Variants in CADM1 observed in about 807,000 individuals in gnomAD.
The protein encoded by CADM1 is cell adhesion molecule 1, also known as TSLC-1.
In CADM1, 15 loss-of-function variants were observed where a neutral mutation model predicts 53.1. That is an observed-to-expected ratio of 0.28 (90% confidence interval 0.19 to 0.44). The LOEUF (loss-of-function observed/expected upper bound fraction) is 0.44, where lower values mean the gene tolerates loss of function less well. CADM1 is among the 20% of genes least tolerant of loss of function. CADM1 has a pLI of 1.00. For synonymous variants in CADM1, 281 were observed against 243.0 expected (o/e 1.16, Z -1.45); for missense variants, 434 against 611.3 (o/e 0.71, Z 3.06).
At chr11:115,182,089 G>A (rs771972739) in intron 10 of CADM1, among the ~76,000 whole-genome samples, 8 of 152,170 alleles carry the variant, frequency 5.3e-5, no homozygotes, top group Non-Finnish European at 1.0e-4. Flanking sequence ...ACAGATCCTG[G>A]TCCTGCAGGG....
At chr11:115,321,009 T>G (rs1348206308) in intron 1 of CADM1, among the ~76,000 whole-genome samples, 1 of 152,194 alleles carries the variant, frequency 6.6e-6, no homozygotes, top group Admixed American at 6.5e-5. Context: ...GTTCATACTT[T>G]TAACAACATT....
chr11:115,445,320 T>C (rs962178776), intron 1 of CADM1, among the ~76,000 whole-genome samples: 2 of 152,100 alleles, frequency 1.3e-5, no homozygotes, highest in African/African-American at 4.8e-5. Context: ...CACTTACAGC[T>C]CAGGACCGTG....
chr11:115,322,434 T>A (rs1355819599), intron 1 of CADM1, among the ~76,000 whole-genome samples: 2 of 152,196 alleles, frequency 1.3e-5, no homozygotes, highest in Admixed American at 6.5e-5. Context: ...ATCACAGAAC[T>A]CACCTGTTTA....
intron 10 of CADM1, among the ~76,000 whole-genome samples, chr11:115,183,606 T>C (rs1257966407): frequency 2.6e-5 from 4 of 152,162 alleles, no homozygotes; most frequent in Admixed American, 6.5e-5. Context: ...GACACCAAGA[T>C]TTCTACCTCT....
chr11:115,424,558 C>T (rs530912910), intron 1 of CADM1, among the ~76,000 whole-genome samples: 39 of 151,996 alleles, frequency 2.6e-4, no homozygotes, highest in Non-Finnish European at 4.6e-4. Flanking sequence ...GATGGAGTCT[C>T]GCACTGTCTC....
chr11:115,479,592 C>G, intron 1 of CADM1, among the ~76,000 whole-genome samples: 1 of 152,072 alleles, frequency 6.6e-6, no homozygotes. Flanking sequence ...TCATGGCAAA[C>G]AAAATACTTG....
At chr11:115,330,566 C>T (rs986933857) in intron 1 of CADM1, among the ~76,000 whole-genome samples, 2 of 152,262 alleles carry the variant, frequency 1.3e-5, no homozygotes, top group African/African-American at 2.4e-5. Flanking sequence ...GAGTTTGATG[C>T]GTGTCTTCAG....
At chr11:115,284,044 G>A (rs1165694174) in intron 1 of CADM1, among the ~76,000 whole-genome samples, 1 of 148,128 alleles carries the variant, frequency 6.8e-6, no homozygotes, top group Non-Finnish European at 1.5e-5. Context: ...GTTCCAGGCA[G>A]GGGGGCCTGT....
intron 1 of CADM1, among the ~76,000 whole-genome samples, chr11:115,251,197 C>G (rs529522435): frequency 1.4e-4 from 22 of 152,216 alleles, no homozygotes; most frequent in Non-Finnish European, 2.5e-4. Context: ...TCCAACTTAA[C>G]GGCATTTACA....
In CADM1 at chr11:115,229,156, C is replaced by A; in HGVS notation, c.678G>T (p.Ala226=). Residue 226 remains alanine, a synonymous_variant, in exon 5 of 12, where the codon GCG becomes GCT. Transcript: ENST00000331581. ...GCTGGGTCTGCAGGTTTCCAGTGAC[C>A]GCAGGGTGCTCCACCTGGCAGATCA... ...VPVICQVEHP[A]VTGNLQTQRY... 2 of 1,614,014 alleles carry A rather than the reference C, an allele frequency of 1.2e-6. No homozygotes were observed. Among genetic ancestry groups the A allele is most frequent in the African/African-American group, 2.7e-5 (2 of 75,032 alleles).
intron 1 of CADM1, among the ~76,000 whole-genome samples, chr11:115,298,841 C>T (rs953011785): frequency 3.3e-5 from 5 of 152,180 alleles, no homozygotes; most frequent in Admixed American, 1.3e-4. Flanking sequence ...CCCTCCTTCT[C>T]GGTTACAGTG....
chr11:115,393,502 G>T (rs1946898346), intron 1 of CADM1, among the ~76,000 whole-genome samples: 1 of 149,028 alleles, frequency 6.7e-6, no homozygotes, highest in Admixed American at 6.7e-5. Context: ...TCAAACAGAA[G>T]AATGAAGTCT....
At chr11:115,427,837 C>G (rs1368730560) in intron 1 of CADM1, among the ~76,000 whole-genome samples, 1 of 151,644 alleles carries the variant, frequency 6.6e-6, no homozygotes, top group East Asian at 1.9e-4. Context: ...GAAAGCCCAT[C>G]TCTACTAAAA....
intron 1 of CADM1, among the ~76,000 whole-genome samples, chr11:115,435,418 A>G (rs1259625377): frequency 6.6e-6 from 1 of 152,134 alleles, no homozygotes; most frequent in Admixed American, 6.5e-5. Context: ...ATTAAATTCA[A>G]ATTTTCAGTG....
intron 1 of CADM1, among the ~76,000 whole-genome samples, chr11:115,277,273 G>A (rs898091791): frequency 2.0e-5 from 3 of 152,148 alleles, no homozygotes; most frequent in Admixed American, 1.3e-4. Flanking sequence ...ACGGAGACTC[G>A]ATGAAAGCCA....
At chr11:115,382,681 T>A (rs939932225) in intron 1 of CADM1, among the ~76,000 whole-genome samples, 1 of 152,204 alleles carries the variant, frequency 6.6e-6, no homozygotes, top group African/African-American at 2.4e-5. Flanking sequence ...TTCTCACCTT[T>A]ATTTCCTTTA....
intron 1 of CADM1, among the ~76,000 whole-genome samples, chr11:115,444,578 T>A (rs1036887423): frequency 1.1e-4 from 16 of 152,222 alleles, no homozygotes; most frequent in African/African-American, 2.7e-4. Flanking sequence ...AATCATCTGT[T>A]GGCATCTGAA....
intron 1 of CADM1, among the ~76,000 whole-genome samples, chr11:115,339,739 T>C (rs561106730): frequency 6.6e-6 from 1 of 152,240 alleles, no homozygotes; most frequent in East Asian, 1.9e-4. Context: ...TAATTACAAA[T>C]TGGGCAACTT....
At chr11:115,481,943 C>T (rs1417223388) in intron 1 of CADM1, among the ~76,000 whole-genome samples, 1 of 152,154 alleles carries the variant, frequency 6.6e-6, no homozygotes, top group African/African-American at 2.4e-5. Context: ...TTGACACTCT[C>T]CATGGAATAA....
Sources: gnomAD v4.1 joint callset for allele counts (sites outside exome capture counted in the v4.1 genomes callset) on GRCh38, gnomAD v4.1.1 for gene constraint, MANE v1.5 for transcripts, NCBI Gene and HGNC (gene_info 2026-07-23, HGNC 2026-07-21) for gene names.